CNTNAP2: variants seen among roughly 807,000 people sequenced by gnomAD.
CNTNAP2 encodes the protein contactin associated protein 2.
A neutral mutation model predicts 155.2 loss-of-function variants in CNTNAP2; 98 were observed. The observed-to-expected ratio is 0.63, with a 90% CI of 0.54 to 0.75. The LOEUF is 0.75. Among genes scored for constraint, CNTNAP2 ranks in the 30% least tolerant of loss-of-function variants. CNTNAP2 has a pLI of 0.00. For missense variants in CNTNAP2, 1,727 were observed against 1,688.1 expected (o/e 1.02, Z -0.40); for synonymous variants, 651 against 631.2 (o/e 1.03, Z -0.47).
At chr7:147,721,921 G>A (rs556058059) in intron 13 of CNTNAP2, among the ~76,000 whole-genome samples, 10 of 152,192 alleles carry the variant, frequency 6.6e-5, no homozygotes, top group South Asian at 2.1e-4. Context: ...GTTTACCAGC[G>A]TTTCAGTTTA....
chr7:148,203,044 G>A (rs1795391918), intron 18 of CNTNAP2, among the ~76,000 whole-genome samples: 1 of 152,072 alleles, frequency 6.6e-6, no homozygotes, highest in Non-Finnish European at 1.5e-5. Flanking sequence ...CCTGCAGTTA[G>A]CCAATTACTT....
intron 1 of CNTNAP2, among the ~76,000 whole-genome samples, chr7:146,413,176 G>A (rs1795890627): frequency 6.6e-6 from 1 of 152,202 alleles, no homozygotes. Context: ...TTGACTAGCT[G>A]AGCTTGGTGC....
At position 146,652,067 on chromosome 7, in the gene CNTNAP2, T is replaced by C. The variant is rs573911531; in HGVS notation, c.98-122204T>C. On this transcript the variant is annotated intron_variant, in intron 1 of 23. Transcript: ENST00000361727. ...TATAACAATTAGAAATAACGATAAA[T>C]TGAACAACAATGCAAAAGGAAATTC... Among the ~76,000 whole-genome samples, 7 of 152,072 alleles carry C rather than the reference T, an allele frequency of 4.6e-5. No individual in the cohort carries two copies. The South Asian group carries it at 1.5e-3, about 32-fold the overall frequency.
chr7:147,486,889 CTGTGTG>C (rs10544219), intron 11 of CNTNAP2, among the ~76,000 whole-genome samples: 2 of 146,840 alleles, frequency 1.4e-5, no homozygotes, highest in South Asian at 2.2e-4. Context: ...ACGTATGTGC[CTGTGTG>C]TGTGTGTGTG....
At chr7:146,674,510 A>T (rs11770637) in intron 1 of CNTNAP2, among the ~76,000 whole-genome samples, 4,390 of 71,052 alleles carry the variant, frequency 0.062, 97 homozygotes, top group East Asian at 0.18. Flanking sequence ...GAAAAAAAAA[A>T]TTAAAAAAAA....
intron 13 of CNTNAP2, among the ~76,000 whole-genome samples, chr7:147,826,594 G>T (rs141740405): frequency 7.6e-4 from 115 of 152,238 alleles, no homozygotes; most frequent in African/African-American, 2.6e-3. Context: ...GTCTAAAACA[G>T]CTATTTGGCA....
Position 146,961,732 on chromosome 7 carries a change from C to T in CNTNAP2, c.403-82175C>T, listed in dbSNP as rs143089285. 1.8e-3 allele frequency among the ~76,000 whole-genome samples: 274 copies of T among 152,128 alleles called. 3 individuals carry two copies. The highest frequency in any genetic ancestry group is 6.8e-3 in the Middle Eastern group (2 of 294). On this transcript the variant is annotated intron_variant, in intron 3 of 23. Transcript: ENST00000361727. ...GCAATGCTGAGCACAGCCACATGTG[C>T]CAGAAATAGGGAAATGTATGACACA...
chr7:146,937,616 G>A (rs758069407), intron 3 of CNTNAP2, among the ~76,000 whole-genome samples: 2 of 152,098 alleles, frequency 1.3e-5, no homozygotes, highest in Non-Finnish European at 2.9e-5. Context: ...AGGCTGCAAA[G>A]GTTGGTAGTA....
chr7:147,440,819 T>A lies in CNTNAP2; in HGVS notation c.1670+45039T>A, dbSNP rs1315686352. ...CTGGCCTGTAAGTTTTCCAATAAAATGTCTGCTCTCAAAGGTATTGGAGCT... is the reference window on the plus strand; with the variant it reads ...CTGGCCTGTAAGTTTTCCAATAAAAAGTCTGCTCTCAAAGGTATTGGAGCT... On this transcript the variant is annotated intron_variant, in intron 10 of 23. Transcript: ENST00000361727. Among the ~76,000 whole-genome samples, 3 of 152,290 alleles carry A rather than the reference T, an allele frequency of 2.0e-5. No individual in the cohort carries two copies. The East Asian group carries it at 5.8e-4, about 29-fold the overall frequency.
At chr7:147,584,908 T>C (rs1215475084) in intron 12 of CNTNAP2, among the ~76,000 whole-genome samples, 6 of 152,110 alleles carry the variant, frequency 3.9e-5, no homozygotes, top group Admixed American at 6.6e-5. Flanking sequence ...AAGGATGCCC[T>C]TGATGGCCTG....
intron 1 of CNTNAP2, among the ~76,000 whole-genome samples, chr7:146,523,724 C>G (rs980694877): frequency 2.0e-5 from 3 of 152,024 alleles, no homozygotes; most frequent in Non-Finnish European, 4.4e-5. Context: ...ATTGTTAAAG[C>G]TTCAGATTAT....
At chr7:146,830,617 C>A (rs1562965664) in intron 2 of CNTNAP2, among the ~76,000 whole-genome samples, 1 of 152,052 alleles carries the variant, frequency 6.6e-6, no homozygotes, top group Non-Finnish European at 1.5e-5. Flanking sequence ...GCATTAGATA[C>A]CTTTAATCAT....
chr7:146,128,668 C>T (rs1175552035), intron 1 of CNTNAP2, among the ~76,000 whole-genome samples: 1 of 152,014 alleles, frequency 6.6e-6, no homozygotes, highest in Non-Finnish European at 1.5e-5. Context: ...AGGTACACAA[C>T]CAGTGTTAAA....
chr7:146,394,452 TATAA>T (rs1016222822), intron 1 of CNTNAP2, among the ~76,000 whole-genome samples: 3 of 152,044 alleles, frequency 2.0e-5, no homozygotes, highest in African/African-American at 4.8e-5. Context: ...TTCCACATTT[TATAA>T]ATATAGAGTC....
At chr7:147,449,125 C>T (rs1413829570) in intron 10 of CNTNAP2, among the ~76,000 whole-genome samples, 1 of 152,124 alleles carries the variant, frequency 6.6e-6, no homozygotes, top group Non-Finnish European at 1.5e-5. Flanking sequence ...CTGTGTAAAA[C>T]ACTCATATAC....
chr7:146,564,312 A>G (rs1456447902), intron 1 of CNTNAP2, among the ~76,000 whole-genome samples: 4 of 151,960 alleles, frequency 2.6e-5, no homozygotes, highest in Non-Finnish European at 4.4e-5. Context: ...TCAACTCTGT[A>G]CTCTCAATAT....
chr7:147,075,903 T>C (rs910312031), intron 4 of CNTNAP2, among the ~76,000 whole-genome samples: 1 of 152,148 alleles, frequency 6.6e-6, no homozygotes. Flanking sequence ...GTACCTGCGA[T>C]AGTTTGCTCA....
chr7:146,543,879 TATTC>T (rs1797990411), intron 1 of CNTNAP2, among the ~76,000 whole-genome samples: 1 of 151,942 alleles, frequency 6.6e-6, no homozygotes, highest in African/African-American at 2.4e-5. Context: ...CTTACTTATT[TATTC>T]ATTCATTAAA....
intron 1 of CNTNAP2, among the ~76,000 whole-genome samples, chr7:146,151,355 C>T (rs1300414994): frequency 6.6e-6 from 1 of 151,844 alleles, no homozygotes; most frequent in African/African-American, 2.4e-5. Flanking sequence ...CCTGTACTAA[C>T]TCAAACCTTG....
Sources: allele counts gnomAD v4.1 joint callset (sites outside exome capture counted in the v4.1 genomes callset), GRCh38; gene constraint gnomAD v4.1.1; transcripts MANE v1.5; gene names NCBI Gene and HGNC (gene_info 2026-07-23, HGNC 2026-07-21).